The following MAOB variants were observed in gnomAD, a reference collection of about 807,000 sequenced individuals.
MAOB encodes the protein amine oxidase [flavin-containing] B.
In MAOB, 15 loss-of-function variants were observed where a neutral mutation model predicts 41.9. The observed-to-expected ratio is 0.36, with a 90% CI of 0.24 to 0.55. The LOEUF is 0.55. Among genes scored for constraint, MAOB ranks in the 20% least tolerant of loss-of-function variants. MAOB has a pLI of 0.86. For synonymous variants in MAOB, 167 were observed against 144.2 expected, an observed-to-expected ratio of 1.16 and a Z score of -1.13; for missense variants, 345 against 398.7, an observed-to-expected ratio of 0.87 and a Z score of 1.15.
At chrX:43,825,362 C>T (rs1022702895) in intron 3 of MAOB, among the ~76,000 whole-genome samples, 2 of 110,869 alleles carry the variant, frequency 1.8e-5, no homozygotes, top group African/African-American at 6.6e-5. Flanking sequence ...CTGGAACACT[C>T]TTACCCAAAG....
At chrX:43,809,140 C>G (rs2034710237) in intron 3 of MAOB, among the ~76,000 whole-genome samples, 2 of 111,634 alleles carry the variant, frequency 1.8e-5, no homozygotes, top group African/African-American at 6.5e-5. Flanking sequence ...CCTTCCAAGA[C>G]TCTATTTGAC....
chrX:43,776,767 C>T (rs59207814), intron 11 of MAOB, among the ~76,000 whole-genome samples: 1 of 75,921 alleles, frequency 1.3e-5, no homozygotes, highest in South Asian at 1.0e-3. Context: ...CCCCTCCCCC[C>T]ACCCCACAAC....
chrX:43,769,510 G>T, intron 12 of MAOB, 92 bp from the exon 13 acceptor site: 1 of 1,062,052 alleles, frequency 9.4e-7, no homozygotes, highest in Non-Finnish European at 1.2e-6. Context: ...AGCTTCCACA[G>T]ATTCTAAACA....
chrX:43,811,661 A>G (rs943117338), intron 3 of MAOB, among the ~76,000 whole-genome samples: 7 of 111,620 alleles, frequency 6.3e-5, no homozygotes, highest in Non-Finnish European at 3.8e-5. Flanking sequence ...CTATTTCATG[A>G]CCCTTGTTCA....
intron 8 of MAOB, among the ~76,000 whole-genome samples, chrX:43,784,064 C>G (rs951629561): frequency 8.9e-6 from 1 of 112,114 alleles, no homozygotes; most frequent in African/African-American, 3.2e-5. Context: ...CAGCAATTCA[C>G]TCACATCTTC....
At chrX:43,823,832 G>A (rs755722254) in intron 3 of MAOB, among the ~76,000 whole-genome samples, 1 of 111,682 alleles carries the variant, frequency 9.0e-6, no homozygotes, top group Non-Finnish European at 1.9e-5. Flanking sequence ...TGTACCATTT[G>A]GACCCACCCA....
intron 2 of MAOB, among the ~76,000 whole-genome samples, chrX:43,843,174 G>A (rs2035158350): frequency 9.1e-6 from 1 of 110,400 alleles, no homozygotes; most frequent in African/African-American, 3.3e-5. Flanking sequence ...CTCCATAAAT[G>A]TAATACAATT....
intron 3 of MAOB, among the ~76,000 whole-genome samples, chrX:43,813,503 G>T (rs1167074113): frequency 8.9e-6 from 1 of 112,246 alleles, no homozygotes; most frequent in African/African-American, 3.2e-5. Context: ...CTCTTGTCAG[G>T]TCTCTGCTCT....
chrX:43,795,940 C>T (rs772839171), intron 6 of MAOB, 52 bp from the exon 7 acceptor site: 20 of 1,155,123 alleles, frequency 1.7e-5, no homozygotes, highest in Non-Finnish European at 2.2e-5. Flanking sequence ...GCATAAATTG[C>T]TAAATTCTTA....
At chrX:43,845,191 A>G (rs1026113574) in intron 1 of MAOB, among the ~76,000 whole-genome samples, 12 of 111,537 alleles carry the variant, frequency 1.1e-4, no homozygotes, top group Non-Finnish European at 2.3e-4. Flanking sequence ...CAGAGAACAG[A>G]AATCTGGTGC....
intron 8 of MAOB, among the ~76,000 whole-genome samples, chrX:43,789,233 AT>A (rs1486923654): frequency 3.6e-5 from 4 of 112,302 alleles, no homozygotes; most frequent in Non-Finnish European, 7.5e-5. Context: ...AGCATTTTGA[AT>A]TTTGAGTTTT....
chrX:43,832,672 G>C (rs748375667), intron 3 of MAOB, among the ~76,000 whole-genome samples: 3 of 111,857 alleles, frequency 2.7e-5, no homozygotes, highest in South Asian at 7.5e-4. Flanking sequence ...CAAAATATGT[G>C]TTTACCAACA....
intron 4 of MAOB, among the ~76,000 whole-genome samples, chrX:43,802,849 C>A (rs2034613629): frequency 9.0e-6 from 1 of 110,749 alleles, no homozygotes; most frequent in South Asian, 3.9e-4. Flanking sequence ...AAAACCTAGA[C>A]GATGGGTTGA....
intron 1 of MAOB, among the ~76,000 whole-genome samples, chrX:43,865,924 G>A (rs2035362311): frequency 9.1e-6 from 1 of 110,460 alleles, no homozygotes; most frequent in Admixed American, 9.7e-5. Context: ...GGGTGGGAGG[G>A]AGGAGAACTA....
intron 1 of MAOB, among the ~76,000 whole-genome samples, chrX:43,863,958 G>A (rs1192563863): frequency 1.8e-5 from 2 of 111,434 alleles, no homozygotes; most frequent in African/African-American, 6.5e-5. Context: ...TCTTTTAATT[G>A]CTGTTTTAAC....
chrX:43,857,009 C>T (rs1166390885), intron 1 of MAOB, among the ~76,000 whole-genome samples: 8 of 95,658 alleles, frequency 8.4e-5, no homozygotes, highest in Non-Finnish European at 1.4e-4. Context: ...CTTTCTACAC[C>T]GCTAGCATCC....
chrX:43,854,680 A>C (rs1602027993), intron 1 of MAOB, among the ~76,000 whole-genome samples: 1 of 112,072 alleles, frequency 8.9e-6, no homozygotes, highest in African/African-American at 3.2e-5. Flanking sequence ...AAGTAAAATA[A>C]AATGAAATCT....
intron 1 of MAOB, among the ~76,000 whole-genome samples, chrX:43,873,528 TTAGA>T (rs1192545913): frequency 5.4e-5 from 6 of 110,771 alleles, no homozygotes; most frequent in Non-Finnish European, 1.1e-4. Context: ...GAAGTGGAAA[TTAGA>T]TAGTATATGA....
chrX:43,802,372 A>G, intron 4 of MAOB, 109 bp from the exon 5 acceptor site: 1 of 538,390 alleles, frequency 1.9e-6, no homozygotes, highest in Non-Finnish European at 2.9e-6. Flanking sequence ...AGTATTAAAA[A>G]CTCTACCTTA....
Sources: allele counts gnomAD v4.1 joint callset (sites outside exome capture counted in the v4.1 genomes callset), GRCh38; gene constraint gnomAD v4.1.1; transcripts MANE v1.5; gene names NCBI Gene and HGNC (gene_info 2026-07-23, HGNC 2026-07-21).